RPRD1A: variants seen among roughly 807,000 people sequenced by gnomAD.
RPRD1A encodes regulation of nuclear pre-mRNA domain-containing protein 1A.
RPRD1A carries 9 observed loss-of-function variants against 37.8 expected under a neutral mutation model. That is an observed-to-expected ratio of 0.24 (90% CI 0.14 to 0.42). The LOEUF (loss-of-function observed/expected upper bound fraction) is 0.42. Among genes scored for constraint, RPRD1A ranks in the 10% least tolerant of loss-of-function variants. RPRD1A has a pLI of 1.00. For missense variants in RPRD1A, 255 were observed against 371.0 expected (o/e 0.69, Z 2.57); for synonymous variants, 138 against 139.7 (o/e 0.99, Z 0.08).
chr18:36,026,817 T>G, intron 6 of RPRD1A, 83 bp downstream of exon 6: 1 of 1,328,168 alleles, frequency 7.5e-7, no homozygotes, highest in Non-Finnish European at 1.0e-6. Context: ...ATGCAAAATG[T>G]GCACATAGAT....
intron 6 of RPRD1A, among the ~76,000 whole-genome samples, chr18:36,013,643 C>T (rs1910313009): frequency 6.6e-6 from 1 of 152,148 alleles, no homozygotes; most frequent in African/African-American, 2.4e-5. Context: ...CTCAGACATG[C>T]AAAGACCTGC....
chr18:36,059,360 A>G (rs1189048254), intron 1 of RPRD1A, among the ~76,000 whole-genome samples: 1 of 151,504 alleles, frequency 6.6e-6, no homozygotes, highest in Non-Finnish European at 1.5e-5. Flanking sequence ...CTGGTCTCAA[A>G]CTCCTGACCT....
At chr18:36,019,102 A>ATTT (rs946306446) in intron 6 of RPRD1A, among the ~76,000 whole-genome samples, 1,638 of 118,494 alleles carry the variant, frequency 0.014, 67 homozygotes, top group African/African-American at 0.05. Flanking sequence ...GGGACCATTG[A>ATTT]TTTTTTTTTT....
chr18:36,000,032 A>G (rs917144202), intron 6 of RPRD1A, among the ~76,000 whole-genome samples: 14 of 152,178 alleles, frequency 9.2e-5, no homozygotes, highest in African/African-American at 3.4e-4. Context: ...AGTATTAATC[A>G]AGATATAACA....
intron 6 of RPRD1A, among the ~76,000 whole-genome samples, chr18:36,016,331 T>C (rs1598614178): frequency 6.6e-6 from 1 of 152,216 alleles, no homozygotes; most frequent in East Asian, 1.9e-4. Context: ...CAAGCGATTC[T>C]CCTGTCTTAG....
intron 2 of RPRD1A, among the ~76,000 whole-genome samples, chr18:36,032,377 TA>T (rs1351568750): frequency 6.6e-6 from 1 of 152,138 alleles, no homozygotes; most frequent in Non-Finnish European, 1.5e-5. Flanking sequence ...CGGAAAGAAC[TA>T]AAAAAGGTTA....
intron 6 of RPRD1A, among the ~76,000 whole-genome samples, chr18:36,013,749 T>TA (rs1006155270): frequency 3.3e-5 from 5 of 152,116 alleles, no homozygotes; most frequent in South Asian, 2.1e-4. Context: ...TCTTTACAAG[T>TA]AAAAAAAAGT....
intron 1 of RPRD1A, among the ~76,000 whole-genome samples, chr18:36,048,050 G>A (rs1913082676): frequency 6.8e-6 from 1 of 148,036 alleles, no homozygotes; most frequent in Admixed American, 6.7e-5. Context: ...CATTAATACA[G>A]ATGTACCCAT....
At chr18:36,002,854 G>A (rs1262489011) in intron 6 of RPRD1A, among the ~76,000 whole-genome samples, 6 of 152,078 alleles carry the variant, frequency 3.9e-5, no homozygotes, top group African/African-American at 1.4e-4. Context: ...ATCTAGTTAG[G>A]CGTTAGACTG....
Position 35,991,033 on chromosome 18 carries a change from G to A in RPRD1A, c.*2118C>T, listed in dbSNP as rs1307765473. Reference sequence around the variant, plus strand: ...TGCATTTTTATCATAAATATTTAGAGCAGATACTGGCATTAAAATCAGTAT... The same window carrying A: ...TGCATTTTTATCATAAATATTTAGAACAGATACTGGCATTAAAATCAGTAT... On this transcript the variant is annotated 3_prime_UTR_variant, in exon 7 of 7. Transcript: ENST00000399022. The A allele has an allele frequency of 6.6e-6, 1 of 152,130 alleles. No individual in the cohort carries two copies. Among genetic ancestry groups the A allele is most frequent in the Non-Finnish European group, 1.5e-5 (1 of 68,024 alleles). 9.4% of individuals were successfully genotyped at this position (152,130 alleles called of 1,614,324 possible).
chr18:36,033,879 T>A, intron 1 of RPRD1A, 42 bp from the exon 2 acceptor site: 1 of 1,544,324 alleles, frequency 6.5e-7, no homozygotes, highest in East Asian at 2.3e-5. Flanking sequence ...TAAAACATCT[T>A]TACTTGGACA....
chr18:36,017,282 C>G (rs557678136), intron 6 of RPRD1A, among the ~76,000 whole-genome samples: 1 of 152,090 alleles, frequency 6.6e-6, no homozygotes, highest in African/African-American at 2.4e-5. Flanking sequence ...ACCTGGGTAA[C>G]AGAGTGAGAC....
intron 1 of RPRD1A, among the ~76,000 whole-genome samples, chr18:36,037,408 A>G (rs1912271124): frequency 6.6e-6 from 1 of 152,152 alleles, no homozygotes; most frequent in African/African-American, 2.4e-5. Context: ...GTGAATAAGG[A>G]CGTGTTTGCT....
intron 1 of RPRD1A, among the ~76,000 whole-genome samples, chr18:36,039,815 A>G (rs1912456485): frequency 6.6e-6 from 1 of 152,162 alleles, no homozygotes; most frequent in Non-Finnish European, 1.5e-5. Context: ...AACCTTCTAC[A>G]TGGAAAGCAG....
intron 1 of RPRD1A, among the ~76,000 whole-genome samples, chr18:36,056,551 G>A (rs997504340): frequency 1.3e-5 from 2 of 152,112 alleles, no homozygotes; most frequent in African/African-American, 4.8e-5. Context: ...GCCTCCCAAA[G>A]TGCTGGGATT....
intron 4 of RPRD1A, among the ~76,000 whole-genome samples, chr18:36,029,302 G>A (rs1423248147): frequency 6.6e-6 from 1 of 152,052 alleles, no homozygotes; most frequent in Non-Finnish European, 1.5e-5. Context: ...GCTCCTCCCA[G>A]CCTCTGATTT....
intron 1 of RPRD1A, among the ~76,000 whole-genome samples, chr18:36,064,990 G>A (rs144108948): frequency 9.6e-4 from 145 of 151,304 alleles, no homozygotes; most frequent in African/African-American, 3.4e-3. Context: ...CACAGTGAAG[G>A]TCTGCAGCTT....
intron 6 of RPRD1A, chr18:36,025,427 A>C (rs546615386): frequency 3.4e-5 from 11 of 326,812 alleles, no homozygotes; most frequent in African/African-American, 2.4e-4. Context: ...ACTGGGGGAA[A>C]AGGGGGTTGT....
chr18:36,060,964 TA>T (rs879917323), intron 1 of RPRD1A, among the ~76,000 whole-genome samples: 102 of 143,344 alleles, frequency 7.1e-4, no homozygotes, highest in Non-Finnish European at 6.0e-4. Flanking sequence ...CACTGTCTCA[TA>T]AAAAAAAAAA....
Sources: gnomAD v4.1 joint callset for allele counts (sites outside exome capture counted in the v4.1 genomes callset) on GRCh38, gnomAD v4.1.1 for gene constraint, MANE v1.5 for transcripts, NCBI Gene and HGNC (gene_info 2026-07-23, HGNC 2026-07-21) for gene names.